Variants in BCAS3 observed in about 807,000 individuals in gnomAD.
BCAS3 encodes BCAS4/BCAS3 fusion.
Under a neutral mutation model 116.1 loss-of-function variants are expected in BCAS3, and 53 were observed. That is an observed-to-expected ratio of 0.46 (90% CI 0.37 to 0.57). The LOEUF (loss-of-function observed/expected upper bound fraction) is 0.57, where lower values mean the gene tolerates loss of function less well. BCAS3 is among the 20% of genes least tolerant of loss of function. The pLI is 0.00. For synonymous variants in BCAS3, 391 were observed against 408.2 expected (o/e 0.96, Z 0.51); for missense variants, 917 against 1,165.4 (o/e 0.79, Z 3.10).
intron 7 of BCAS3, among the ~76,000 whole-genome samples, chr17:60,830,574 T>G (rs1255436874): frequency 6.6e-6 from 1 of 152,172 alleles, no homozygotes; most frequent in Non-Finnish European, 1.5e-5. Flanking sequence ...GGCTATACTT[T>G]TTTTCTTTAT....
intron 11 of BCAS3, among the ~76,000 whole-genome samples, chr17:60,905,006 A>G (rs1467513785): frequency 6.6e-6 from 1 of 152,196 alleles, no homozygotes; most frequent in Non-Finnish European, 1.5e-5. Flanking sequence ...TTAATACTAA[A>G]ACTTTAGAAG....
At chr17:60,859,136 C>A (rs2053936483) in intron 7 of BCAS3, among the ~76,000 whole-genome samples, 1 of 151,978 alleles carries the variant, frequency 6.6e-6, no homozygotes, top group Non-Finnish European at 1.5e-5. Flanking sequence ...AGAAAATAAA[C>A]ATATGACTTA....
At chr17:61,230,277 T>C (rs1335637273) in intron 22 of BCAS3, among the ~76,000 whole-genome samples, 1 of 152,182 alleles carries the variant, frequency 6.6e-6, no homozygotes, top group Non-Finnish European at 1.5e-5. Flanking sequence ...CAGCTCTCCG[T>C]GGTCCACCAT....
chr17:61,177,139 T>A (rs762544285), intron 22 of BCAS3, among the ~76,000 whole-genome samples: 2 of 152,236 alleles, frequency 1.3e-5, no homozygotes, highest in African/African-American at 4.8e-5. Context: ...GGAAAACTCC[T>A]TGCTAGTTTC....
intron 4 of BCAS3, among the ~76,000 whole-genome samples, chr17:60,703,054 C>A (rs2065980447): frequency 6.6e-6 from 1 of 151,290 alleles, no homozygotes; most frequent in Non-Finnish European, 1.5e-5. Context: ...GTGGGTGGAT[C>A]ACCTGAGGCC....
At chr17:61,301,433 A>C (rs1219168460) in intron 22 of BCAS3, among the ~76,000 whole-genome samples, 1 of 152,170 alleles carries the variant, frequency 6.6e-6, no homozygotes, top group African/African-American at 2.4e-5. Flanking sequence ...GGAGTTCGAG[A>C]CCAGCCGGGC....
intron 13 of BCAS3, among the ~76,000 whole-genome samples, chr17:60,925,079 T>A (rs1192513081): frequency 1.3e-5 from 2 of 151,916 alleles, no homozygotes; most frequent in African/African-American, 2.4e-5. Flanking sequence ...TAAATTTTTA[T>A]TTTACTATTT....
At chr17:61,232,022 C>T (rs777107731) in intron 22 of BCAS3, among the ~76,000 whole-genome samples, 12 of 150,836 alleles carry the variant, frequency 8.0e-5, no homozygotes, top group Non-Finnish European at 1.6e-4. Flanking sequence ...CTGGCCAATA[C>T]GGTGAAACCC....
At chr17:61,047,550 T>C (rs1190453633) in intron 19 of BCAS3, among the ~76,000 whole-genome samples, 7 of 152,014 alleles carry the variant, frequency 4.6e-5, no homozygotes, top group Non-Finnish European at 2.9e-5. Flanking sequence ...GCAGAGGTCA[T>C]TAGTGATTTC....
chr17:61,242,545 C>T (rs1568650534), intron 22 of BCAS3, among the ~76,000 whole-genome samples: 1 of 152,116 alleles, frequency 6.6e-6, no homozygotes, highest in Non-Finnish European at 1.5e-5. Flanking sequence ...ATGCCTAGAC[C>T]CTTCTCCCAT....
rs1311134598 is a variant in BCAS3, at chr17:61,128,491, G to A, written c.2425+43927G>A. ...AATGTTCTGTGTTTTCAAAGACAGAGGTTAACAAGCAATGGACAAACCTTC... is the reference window on the plus strand; with the variant it reads ...AATGTTCTGTGTTTTCAAAGACAGAAGTTAACAAGCAATGGACAAACCTTC... On this transcript the variant is annotated intron_variant, in intron 22 of 23. Coordinates refer to ENST00000407086, the MANE Select transcript of BCAS3 (RefSeq NM_017679.5). This position sits in a 1 kb window ranked among gnomAD's most constrained non-coding sequence, Gnocchi z 4.1. 1.0e-6 allele frequency: 1 copy of A among 985,380 alleles called. No individual in the cohort carries two copies. The highest frequency in any genetic ancestry group is 1.7e-5 in the African/African-American group (1 of 57,370). The allele number at this position is 985,380 out of a possible 1,614,324, so 61.0% of individuals were successfully genotyped here.
rs2065534118 is a variant in BCAS3, at chr17:61,017,424, G to A, written c.1637+1523G>A. 6.6e-6 allele frequency among the ~76,000 whole-genome samples: 1 copy of A among 152,040 alleles called. No individual in the cohort carries two copies. Among genetic ancestry groups the A allele is most frequent in the Non-Finnish European group, 1.5e-5 (1 of 67,962 alleles). ...CCAAAGTACTTACAAATTTTAGCCTGTCTTTTCTGAATCTAAGTGAAACCA... is the reference window on the plus strand; with the variant it reads ...CCAAAGTACTTACAAATTTTAGCCTATCTTTTCTGAATCTAAGTGAAACCA... On this transcript the variant is annotated intron_variant, in intron 16 of 23. Transcript: ENST00000407086. This position sits in a 1 kb window ranked among gnomAD's most constrained non-coding sequence, Gnocchi z 4.7.
At chr17:61,351,340 A>G (rs1421398505) in intron 22 of BCAS3, among the ~76,000 whole-genome samples, 2 of 152,194 alleles carry the variant, frequency 1.3e-5, no homozygotes, top group Non-Finnish European at 2.9e-5. Context: ...CAGCATGGGA[A>G]TTATCCTTAC....
rs765696939 is a variant in BCAS3, at chr17:61,281,712, A to T, written c.2426-86615A>T. Among the ~76,000 whole-genome samples, 3 of 152,032 alleles carry T rather than the reference A, an allele frequency of 2.0e-5. No homozygotes were observed. The highest frequency in any genetic ancestry group is 4.4e-5 in the Non-Finnish European group (3 of 68,008). ...GGAGGAGCTTTCTATATACTAAGCA[A>T]ATTAGCACTCTATCATATATATTAT... is the stretch of plus-strand genomic sequence containing the variant. On this transcript the variant is annotated intron_variant, in intron 22 of 23. Transcript: ENST00000407086. The surrounding 1 kb of genome is among the most constrained non-coding windows in gnomAD (Gnocchi z 4.2).
intron 13 of BCAS3, among the ~76,000 whole-genome samples, chr17:60,938,853 A>C (rs1316070417): frequency 1.3e-5 from 2 of 152,230 alleles, no homozygotes; most frequent in African/African-American, 2.4e-5. Context: ...CAAAAAACTG[A>C]TCAACATCAC....
intron 7 of BCAS3, among the ~76,000 whole-genome samples, chr17:60,867,584 A>C (rs1002599011): frequency 6.6e-6 from 1 of 152,190 alleles, no homozygotes; most frequent in Non-Finnish European, 1.5e-5. Context: ...TTTGTATATT[A>C]AACTTTTATC....
At chr17:60,710,718 A>G (rs1417753739) in intron 5 of BCAS3, among the ~76,000 whole-genome samples, 1 of 151,566 alleles carries the variant, frequency 6.6e-6, no homozygotes, top group East Asian at 1.9e-4. Flanking sequence ...GGTGTGAGCC[A>G]CCATGCCTGG....
intron 6 of BCAS3, among the ~76,000 whole-genome samples, chr17:60,765,705 T>G (rs1360929436): frequency 3.3e-5 from 5 of 152,182 alleles, no homozygotes; most frequent in Non-Finnish European, 5.9e-5. Context: ...CTTTGTGGTG[T>G]TCTCTGTATT....
chr17:61,040,063 C>T (rs2145618265), intron 18 of BCAS3, among the ~76,000 whole-genome samples: 1 of 152,254 alleles, frequency 6.6e-6, no homozygotes, highest in African/African-American at 2.4e-5. Context: ...GGAATAAAAC[C>T]TCTTTAATAT....
Sources: gnomAD v4.1 joint callset for allele counts (sites outside exome capture counted in the v4.1 genomes callset) on GRCh38, gnomAD v4.1.1 for gene constraint, Gnocchi (gnomAD v3.1) non-coding constraint, MANE v1.5 for transcripts, NCBI Gene and HGNC (gene_info 2026-07-23, HGNC 2026-07-21) for gene names.